Variants in SPAG6 observed in about 807,000 individuals in gnomAD.
SPAG6 encodes the protein sperm-associated antigen 6.
In SPAG6, 49 loss-of-function variants were observed where a neutral mutation model predicts 58.5. The ratio of observed to expected loss-of-function variants is 0.84; its 90% CI spans 0.67 to 1.06. The LOEUF (loss-of-function observed/expected upper bound fraction) is 1.06. SPAG6 is among the 50% of genes least tolerant of loss of function. The pLI is 0.00. For synonymous variants in SPAG6, 233 were observed against 225.6 expected (o/e 1.03, Z -0.29); for missense variants, 560 against 611.3 (o/e 0.92, Z 0.89).
intron 2 of SPAG6, among the ~76,000 whole-genome samples, chr10:22,358,946 G>C (rs1250549703): frequency 6.6e-6 from 1 of 152,138 alleles, no homozygotes; most frequent in African/African-American, 2.4e-5. Flanking sequence ...GAATTTGAGG[G>C]AACTGAGGCA....
At chr10:22,415,664 T>A (rs949870722) in intron 10 of SPAG6, among the ~76,000 whole-genome samples, 1 of 152,180 alleles carries the variant, frequency 6.6e-6, no homozygotes, top group Admixed American at 6.5e-5. Flanking sequence ...GGAATTTTAG[T>A]GTAATATAAA....
At chr10:22,368,416 A>G (rs1382279181) in intron 3 of SPAG6, 79 bp from the exon 4 acceptor site, 28 of 1,035,614 alleles carry the variant, frequency 2.7e-5, no homozygotes, top group Non-Finnish European at 3.7e-5. Context: ...TGTTATTTTT[A>G]TGTAGTTTTG....
intron 7 of SPAG6, among the ~76,000 whole-genome samples, chr10:22,390,050 A>G (rs919504498): frequency 3.3e-5 from 5 of 152,166 alleles, no homozygotes; most frequent in African/African-American, 7.2e-5. Flanking sequence ...CTGCTGCTGT[A>G]TGTTAAACAG....
chr10:22,352,238 G>T (rs1374068106), intron 2 of SPAG6, among the ~76,000 whole-genome samples: 3 of 151,344 alleles, frequency 2.0e-5, no homozygotes, highest in Admixed American at 6.6e-5. Context: ...TGAATGAAAT[G>T]ATCTCTATTC....
chr10:22,397,338 C>T (rs1834318636), intron 8 of SPAG6, among the ~76,000 whole-genome samples: 1 of 152,068 alleles, frequency 6.6e-6, no homozygotes, highest in African/African-American at 2.4e-5. Context: ...CTCTGTTGCC[C>T]AGGCTGGGCT....
chr10:22,365,158 AATC>A, intron 3 of SPAG6, 139 bp downstream of exon 3: 1 of 568,148 alleles, frequency 1.8e-6, no homozygotes, highest in South Asian at 3.1e-5. Flanking sequence ...AGCTGCATGT[AATC>A]ATATTTTCAG....
At position 22,345,783 on chromosome 10, in the gene SPAG6, C is replaced by T. The variant is rs758654919; in HGVS notation, c.86C>T (p.Thr29Ile). ...QFVQMVAELA[T>I]RPQNIETLQN... ...GTGCAGATGGTGGCGGAGCTGGCGA[C>T]TAGACCCCAAAACATCGAGACGCTG... Residue 29 changes from threonine to isoleucine, a missense_variant, in exon 2 of 11, where the codon ACT becomes ATT. Transcript: ENST00000376624. This position sits in a 1 kb window ranked among gnomAD's most constrained non-coding sequence, Gnocchi z 6.3. The T allele has an allele frequency of 6.2e-7, 1 of 1,613,774 alleles. No homozygotes were observed. Among genetic ancestry groups the T allele is most frequent in the South Asian group, 1.1e-5 (1 of 91,058 alleles).
intron 2 of SPAG6, among the ~76,000 whole-genome samples, chr10:22,346,521 C>CTTCTTCTT (rs1409022656): frequency 1.4e-5 from 2 of 147,380 alleles, no homozygotes; most frequent in African/African-American, 5.0e-5. Context: ...TCCTCTTCTT[C>CTTCTTCTT]TTCTTCTTTT....
chr10:22,382,159 T>A (rs1055852777), intron 4 of SPAG6, among the ~76,000 whole-genome samples: 2 of 152,132 alleles, frequency 1.3e-5, no homozygotes. Flanking sequence ...ATGGAAAAAC[T>A]GAGAGAGGCA....
At chr10:22,405,970 G>A (rs1834543188) in intron 9 of SPAG6, among the ~76,000 whole-genome samples, 1 of 152,124 alleles carries the variant, frequency 6.6e-6, no homozygotes, top group Admixed American at 6.5e-5. Context: ...ATTTCTGTGG[G>A]ATCGGTGGTG....
intron 8 of SPAG6, among the ~76,000 whole-genome samples, chr10:22,392,759 G>A (rs957039416): frequency 6.6e-6 from 1 of 152,072 alleles, no homozygotes; most frequent in South Asian, 2.1e-4. Context: ...GGCATAATGA[G>A]ATGGGAAGTT....
At chr10:22,356,195 G>C (rs1226138302) in intron 2 of SPAG6, among the ~76,000 whole-genome samples, 1 of 152,212 alleles carries the variant, frequency 6.6e-6, no homozygotes, top group Non-Finnish European at 1.5e-5. Flanking sequence ...CTCTGGCCTA[G>C]AGAGGTTTAT....
chr10:22,351,753 CCT>C (rs1195252483), intron 2 of SPAG6, among the ~76,000 whole-genome samples: 2 of 152,114 alleles, frequency 1.3e-5, no homozygotes, highest in East Asian at 3.8e-4. Flanking sequence ...CGTGGAATGG[CCT>C]GTGTGAATAC....
intron 2 of SPAG6, among the ~76,000 whole-genome samples, chr10:22,357,549 AAT>A (rs1217609101): frequency 6.6e-6 from 1 of 152,088 alleles, no homozygotes; most frequent in Non-Finnish European, 1.5e-5. Context: ...TGTGGATGAA[AAT>A]ATAGTAAATT....
At chr10:22,389,075 T>C (rs1834127939) in intron 6 of SPAG6, 85 bp from the exon 7 acceptor site, 2 of 1,152,636 alleles carry the variant, frequency 1.7e-6, no homozygotes, top group Non-Finnish European at 2.5e-6. Flanking sequence ...TGTTTTTAGG[T>C]TCTAAATAGA....
chr10:22,387,027 C>A, intron 5 of SPAG6, 68 bp downstream of exon 5: 1 of 1,182,936 alleles, frequency 8.5e-7, no homozygotes, highest in Admixed American at 1.8e-5. Flanking sequence ...AATGTGTACA[C>A]GTGAATATTT....
At chr10:22,410,139 T>C (rs534422244) in intron 9 of SPAG6, among the ~76,000 whole-genome samples, 109 of 152,296 alleles carry the variant, frequency 7.2e-4, no homozygotes, top group Non-Finnish European at 1.4e-3. Context: ...CTCTTGGATT[T>C]ATTGATTCCT....
chr10:22,397,322 G>T (rs549206902), intron 8 of SPAG6, among the ~76,000 whole-genome samples: 1 of 152,184 alleles, frequency 6.6e-6, no homozygotes, highest in African/African-American at 2.4e-5. Flanking sequence ...TTGAGACAGG[G>T]TCTCACTCTG....
intron 2 of SPAG6, among the ~76,000 whole-genome samples, chr10:22,357,221 A>T (rs1181823365): frequency 6.6e-6 from 1 of 151,996 alleles, no homozygotes; most frequent in East Asian, 1.9e-4. Flanking sequence ...TTGCCTCCCC[A>T]TGTCCCTCCA....
Sources: allele counts gnomAD v4.1 joint callset (sites outside exome capture counted in the v4.1 genomes callset), GRCh38; gene constraint gnomAD v4.1.1; non-coding constraint Gnocchi (gnomAD v3.1); transcripts MANE v1.5; gene names NCBI Gene and HGNC (gene_info 2026-07-23, HGNC 2026-07-21).